The following CCDC3 variants were observed in gnomAD, a reference collection of about 807,000 sequenced individuals.
CCDC3 encodes coiled-coil domain-containing protein 3.
In CCDC3, 24 loss-of-function variants were observed where a neutral mutation model predicts 21.4. The observed-to-expected ratio is 1.12, with a 90% CI of 0.81 to 1.58. The LOEUF (loss-of-function observed/expected upper bound fraction) is 1.58. Ranked by LOEUF, CCDC3 falls within the 40% of genes most tolerant of loss-of-function variation. The pLI is 0.00. For synonymous variants in CCDC3, 186 were observed against 166.0 expected, an observed-to-expected ratio of 1.12 and a Z score of -0.93; for missense variants, 425 against 360.9, an observed-to-expected ratio of 1.18 and a Z score of -1.44.
At chr10:13,079,333 C>T (rs1837004646) in intron 3 of CCDC3, among the ~76,000 whole-genome samples, 1 of 152,180 alleles carries the variant, frequency 6.6e-6, no homozygotes, top group Admixed American at 6.5e-5. Flanking sequence ...AACCCGGACT[C>T]TCAGCAACGC....
chr10:12,981,779 G>A (rs577738767), intron 2 of CCDC3, among the ~76,000 whole-genome samples: 73 of 152,096 alleles, frequency 4.8e-4, no homozygotes, highest in African/African-American at 1.7e-3. Context: ...TATGAGTTAC[G>A]ATGGAGAAAG....
At chr10:12,905,612 T>C (rs1834159166) in intron 2 of CCDC3, among the ~76,000 whole-genome samples, 1 of 152,212 alleles carries the variant, frequency 6.6e-6, no homozygotes, top group African/African-American at 2.4e-5. Context: ...TGCCAGGTCA[T>C]GGTTCAAGGT....
At chr10:13,040,240 C>A (rs537411119) in intron 5 of CCDC3, among the ~76,000 whole-genome samples, 1 of 152,216 alleles carries the variant, frequency 6.6e-6, no homozygotes, top group South Asian at 2.1e-4. Flanking sequence ...TTGGGAAAGA[C>A]CCCACTGTGT....
chr10:13,003,961 T>C (rs1261536018), upstream of CCDC3, among the ~76,000 whole-genome samples: 1 of 152,218 alleles, frequency 6.6e-6, no homozygotes, highest in East Asian at 1.9e-4. Context: ...GCCTCACTGA[T>C]TGGGTTTCTC....
chr10:13,096,474 TTTAC>T (rs1433568117), intron 3 of CCDC3, among the ~76,000 whole-genome samples: 1 of 152,160 alleles, frequency 6.6e-6, no homozygotes, highest in Non-Finnish European at 1.5e-5. Context: ...CCTGGGCCTC[TTTAC>T]TTTCTTTAAA....
chr10:12,955,555 AT>A (rs200897542), intron 2 of CCDC3, among the ~76,000 whole-genome samples: 2 of 151,158 alleles, frequency 1.3e-5, no homozygotes, highest in Non-Finnish European at 1.5e-5. Flanking sequence ...GTAACTTCAT[AT>A]TTTTTTTTCT....
At chr10:12,936,198 T>G (rs926627242) in intron 2 of CCDC3, among the ~76,000 whole-genome samples, 1 of 152,228 alleles carries the variant, frequency 6.6e-6, no homozygotes, top group African/African-American at 2.4e-5. Context: ...TCTCCATCAC[T>G]TTTGAAGGAT....
chr10:12,919,415 C>A (rs530819675), intron 2 of CCDC3, among the ~76,000 whole-genome samples: 2 of 151,984 alleles, frequency 1.3e-5, no homozygotes, highest in African/African-American at 2.4e-5. Flanking sequence ...CATGGTGAAA[C>A]CCTGTCTTTA....
At chr10:12,987,277 C>T (rs1356664273) in intron 2 of CCDC3, among the ~76,000 whole-genome samples, 2 of 152,192 alleles carry the variant, frequency 1.3e-5, no homozygotes, top group Admixed American at 1.3e-4. Flanking sequence ...AATTCTTCCA[C>T]TACATTCTCC....
chr10:12,972,889 T>C (rs1268509331), intron 2 of CCDC3, among the ~76,000 whole-genome samples: 1 of 152,198 alleles, frequency 6.6e-6, no homozygotes, highest in Non-Finnish European at 1.5e-5. Context: ...TCAGGAGAAC[T>C]GCAGTGATGT....
chr10:13,034,687 A>C (rs1836353783), intron 5 of CCDC3, among the ~76,000 whole-genome samples: 1 of 147,536 alleles, frequency 6.8e-6, no homozygotes, highest in East Asian at 2.0e-4. Context: ...ATGGAATCCA[A>C]TGTTCTCACT....
chr10:13,018,170 C>T (rs1295794203), intron 5 of CCDC3, among the ~76,000 whole-genome samples: 1 of 150,082 alleles, frequency 6.7e-6, no homozygotes, highest in African/African-American at 2.5e-5. Flanking sequence ...AAACACAAAG[C>T]CAGGTTTCCC....
chr10:12,948,570 G>A (rs115752334), intron 2 of CCDC3, among the ~76,000 whole-genome samples: 2 of 152,026 alleles, frequency 1.3e-5, no homozygotes, highest in East Asian at 1.9e-4. Context: ...TTGAAAAAGT[G>A]TATCTCTTTC....
intron 2 of CCDC3, among the ~76,000 whole-genome samples, chr10:12,990,270 A>AAAG (rs1835661844): frequency 6.6e-6 from 1 of 152,026 alleles, no homozygotes; most frequent in Admixed American, 6.6e-5. Context: ...AACCAAAAAA[A>AAAG]AAAAAAAAAA....
chr10:13,036,668 A>G (rs760534212), intron 5 of CCDC3, among the ~76,000 whole-genome samples: 1 of 151,600 alleles, frequency 6.6e-6, no homozygotes, highest in Non-Finnish European at 1.5e-5. Flanking sequence ...TATTTTTAGT[A>G]GAGATGGGGT....
chr10:13,036,823 A>G (rs991881394), intron 5 of CCDC3, among the ~76,000 whole-genome samples: 10 of 148,870 alleles, frequency 6.7e-5, no homozygotes, highest in African/African-American at 2.5e-4. Flanking sequence ...GGGGTCACCC[A>G]GGCTGGAGTC....
intron 5 of CCDC3, among the ~76,000 whole-genome samples, chr10:13,048,476 G>A (rs1036682735): frequency 2.0e-5 from 3 of 152,154 alleles, no homozygotes; most frequent in African/African-American, 7.2e-5. Context: ...ACAGGTGTGA[G>A]CCACTGCACC....
chr10:12,963,960 C>T (rs555017795), intron 2 of CCDC3, among the ~76,000 whole-genome samples: 4 of 152,138 alleles, frequency 2.6e-5, no homozygotes, highest in Non-Finnish European at 5.9e-5. Flanking sequence ...GGAGGCGAGT[C>T]GTTATTGGTC....
At chr10:13,005,652 T>C (rs1835916750), upstream of CCDC3, among the ~76,000 whole-genome samples, 1 of 152,186 alleles carries the variant, frequency 6.6e-6, no homozygotes, top group Non-Finnish European at 1.5e-5. Context: ...GTGATTTTCC[T>C]TCTGGTGCTT....
Sources: allele counts gnomAD v4.1 joint callset (sites outside exome capture counted in the v4.1 genomes callset), GRCh38; gene constraint gnomAD v4.1.1; transcripts MANE v1.5; gene names NCBI Gene and HGNC (gene_info 2026-07-23, HGNC 2026-07-21).